The following GRIP1 variants were observed in gnomAD, a reference collection of about 807,000 sequenced individuals.
GRIP1 encodes glutamate receptor-interacting protein 1.
Under a neutral mutation model 129.9 loss-of-function variants are expected in GRIP1, and 45 were observed. That is an observed-to-expected ratio of 0.35 (90% CI 0.27 to 0.44). The LOEUF (loss-of-function observed/expected upper bound fraction) is 0.44, where lower values mean the gene tolerates loss of function less well. Ranked by LOEUF, GRIP1 falls within the 20% of genes least tolerant of loss-of-function variation. The pLI is 1.00. For synonymous variants in GRIP1, 530 were observed against 520.8 expected (o/e 1.02, Z -0.24); for missense variants, 1,196 against 1,396.8 (o/e 0.86, Z 2.29).
chr12:66,528,264 A>T (rs1275632559), intron 5 of GRIP1, among the ~76,000 whole-genome samples: 1 of 151,246 alleles, frequency 6.6e-6, no homozygotes, highest in Non-Finnish European at 1.5e-5. Flanking sequence ...CCTCCTGAGT[A>T]GCTGGGACTA....
intron 19 of GRIP1, among the ~76,000 whole-genome samples, chr12:66,384,142 T>C (rs925429605): frequency 9.9e-5 from 15 of 152,222 alleles, no homozygotes; most frequent in African/African-American, 2.9e-4. Flanking sequence ...ATCTCATTGA[T>C]TGGTAACCAG....
intron 9 of GRIP1, among the ~76,000 whole-genome samples, chr12:66,456,666 T>TTA (rs397817742): frequency 6.6e-6 from 1 of 151,878 alleles, no homozygotes; most frequent in African/African-American, 2.4e-5. Flanking sequence ...ACATTTTTTT[T>TTA]AACTTAAAAG....
chr12:66,584,428 C>T (rs993598386), intron 2 of GRIP1, among the ~76,000 whole-genome samples: 4 of 152,016 alleles, frequency 2.6e-5, no homozygotes, highest in Non-Finnish European at 5.9e-5. Context: ...ACAAAATTAG[C>T]CAGGCGTGGT....
intron 19 of GRIP1, among the ~76,000 whole-genome samples, chr12:66,383,926 G>A (rs573997023): frequency 1.2e-4 from 18 of 152,298 alleles, no homozygotes; most frequent in African/African-American, 4.3e-4. Flanking sequence ...GAATGCAAAT[G>A]AAATTGCTGG....
At chr12:66,477,528 G>T (rs11536202) in intron 7 of GRIP1, among the ~76,000 whole-genome samples, 3 of 151,286 alleles carry the variant, frequency 2.0e-5, no homozygotes, top group Admixed American at 1.3e-4. Context: ...GAAAAAACTA[G>T]TTTAAAGTTC....
intron 2 of GRIP1, chr12:66,570,980 C>G (rs775696662): frequency 6.6e-6 from 1 of 152,158 alleles, no homozygotes; most frequent in Admixed American, 6.6e-5. Flanking sequence ...AGGTATCAGG[C>G]AAATCCTTTT....
In GRIP1 at chr12:66,718,046, C is replaced by T. The variant is rs556735509; in HGVS notation, c.-420+86007G>A. 6.6e-5 allele frequency among the ~76,000 whole-genome samples: 10 copies of T among 152,216 alleles called. No individual in the cohort carries two copies. The East Asian group carries it at 1.4e-3, about 21-fold the overall frequency. Reference sequence around the variant, plus strand: ...CACAGTTTCCATGGAGATCTATCTCCGGCATTATACTTTGGAGATTGCCCT... The same window carrying T: ...CACAGTTTCCATGGAGATCTATCTCTGGCATTATACTTTGGAGATTGCCCT... On this transcript the variant is annotated intron_variant, in intron 1 of 4. Transcript: ENST00000538373.
intron 2 of GRIP1, among the ~76,000 whole-genome samples, chr12:66,543,854 GTTTTT>G (rs1018282424): frequency 5.9e-5 from 9 of 151,922 alleles, no homozygotes; most frequent in Admixed American, 4.6e-4. Context: ...TGGAAGCATA[GTTTTT>G]TTTAAGTGCT....
intron 1 of GRIP1, among the ~76,000 whole-genome samples, chr12:66,652,793 TA>T (rs2032896331): frequency 6.6e-6 from 1 of 152,322 alleles, no homozygotes; most frequent in African/African-American, 2.4e-5. Context: ...TCTGGCCTTT[TA>T]GAATTCAATA....
chr12:66,911,544 A>T (rs572232399), intron 1 of GRIP1, among the ~76,000 whole-genome samples: 61 of 152,108 alleles, frequency 4.0e-4, no homozygotes, highest in Non-Finnish European at 6.5e-4. Context: ...ATTTTGGGAG[A>T]GAGAAGGTTT....
intron 1 of GRIP1, among the ~76,000 whole-genome samples, chr12:66,649,126 TG>T (rs1348570650): frequency 1.6e-4 from 24 of 152,350 alleles, no homozygotes; most frequent in African/African-American, 5.5e-4. Flanking sequence ...ATTTCTTAAC[TG>T]TATATCAAAT....
At chr12:66,375,963 C>CT (rs1296458139) in intron 22 of GRIP1, among the ~76,000 whole-genome samples, 2 of 152,192 alleles carry the variant, frequency 1.3e-5, no homozygotes, top group Non-Finnish European at 2.9e-5. Flanking sequence ...GTTTGGGCTA[C>CT]TTTTCTTCAT....
At chr12:66,421,709 T>C (rs1258875368) in intron 14 of GRIP1, among the ~76,000 whole-genome samples, 2 of 151,980 alleles carry the variant, frequency 1.3e-5, no homozygotes, top group Non-Finnish European at 2.9e-5. Context: ...TAACTAAATT[T>C]TTATATATGC....
intron 1 of GRIP1, among the ~76,000 whole-genome samples, chr12:66,846,245 C>T (rs988636740): frequency 2.0e-5 from 3 of 152,196 alleles, no homozygotes; most frequent in Non-Finnish European, 2.9e-5. Context: ...ATTTGATTGT[C>T]TCCTTGACAT....
At chr12:66,534,521 C>T (rs543981490) in intron 4 of GRIP1, among the ~76,000 whole-genome samples, 2 of 152,324 alleles carry the variant, frequency 1.3e-5, no homozygotes, top group Non-Finnish European at 2.9e-5. Context: ...CAAGCTCCAA[C>T]AATATGGCTT....
At chr12:67,065,114 T>C (rs1361477200) in intron 1 of GRIP1, 1 of 152,060 alleles carries the variant, frequency 6.6e-6, no homozygotes, top group Non-Finnish European at 1.5e-5. Flanking sequence ...AGTATTCTCA[T>C]AGATATTTTA....
chr12:67,045,882 G>T (rs1278758153), intron 1 of GRIP1, among the ~76,000 whole-genome samples: 1 of 152,112 alleles, frequency 6.6e-6, no homozygotes, highest in Admixed American at 6.5e-5. Flanking sequence ...GATCAGACCC[G>T]CAACAGTTAA....
chr12:66,416,195 A>G (rs1267884186), intron 15 of GRIP1, among the ~76,000 whole-genome samples: 2 of 152,190 alleles, frequency 1.3e-5, no homozygotes, highest in African/African-American at 2.4e-5. Flanking sequence ...AAAATTAAAA[A>G]ATTTCGTGAA....
Position 66,896,480 on chromosome 12 carries a change from G to GAAAAAAAAAAAAAAAA in GRIP1, c.58+172554_58+172569dup, listed in dbSNP as rs5798843. Among the ~76,000 whole-genome samples, 7 of 107,840 alleles carry GAAAAAAAAAAAAAAAA rather than the reference G, an allele frequency of 6.5e-5. 1 individual carries two copies. Among genetic ancestry groups the GAAAAAAAAAAAAAAAA allele is most frequent in the East Asian group, 5.9e-4 (2 of 3,396 alleles). The allele number at this position is 107,840 out of a possible 152,430, so 70.7% of individuals were successfully genotyped here. A position where few individuals can be genotyped will look rare whatever the true frequency, so the allele number is the denominator to read the frequency against. On this transcript the variant is annotated intron_variant, in intron 1 of 1. Transcript: ENST00000643019. ...TGAGAATATTACCTCTGAGGAATTT[G>GAAAAAAAAAAAAAAAA]AAAAAAAAAAAAAAAACTTTGGTGG...
Sources: gnomAD v4.1 joint callset for allele counts (sites outside exome capture counted in the v4.1 genomes callset) on GRCh38, gnomAD v4.1.1 for gene constraint, MANE v1.5 for transcripts, NCBI Gene and HGNC (gene_info 2026-07-23, HGNC 2026-07-21) for gene names.